Variants in SLC8A2 observed in about 807,000 individuals in gnomAD.
SLC8A2 encodes the protein sodium/calcium exchanger 2.
In SLC8A2, 14 loss-of-function variants were observed where a neutral mutation model predicts 70.2. The observed-to-expected ratio is 0.20, with a 90% confidence interval of 0.13 to 0.31. The LOEUF (loss-of-function observed/expected upper bound fraction) is 0.31. Ranked by LOEUF, SLC8A2 falls within the 10% of genes least tolerant of loss-of-function variation. SLC8A2 has a pLI of 1.00. For synonymous variants in SLC8A2, 575 were observed against 594.3 expected (o/e 0.97, Z 0.47); for missense variants, 779 against 1,320.1 (o/e 0.59, Z 6.35).
chr19:47,433,950 C>T (rs953484437), intron 8 of SLC8A2, among the ~76,000 whole-genome samples: 11 of 152,200 alleles, frequency 7.2e-5, no homozygotes, highest in Admixed American at 5.9e-4. Context: ...AGCCGACCTG[C>T]AGTGGCTTTT....
intron 1 of SLC8A2, among the ~76,000 whole-genome samples, chr19:47,471,310 G>C (rs904906376): frequency 1.3e-5 from 2 of 151,976 alleles, no homozygotes; most frequent in East Asian, 3.9e-4. Context: ...AGGACTTAGA[G>C]ACAGAGCCCC....
chr19:47,466,464 T>C lies in SLC8A2; in HGVS notation c.-16-45A>G, dbSNP rs1967463292. ...GGTCTGGGTGAGGGAAGCAAACCTC[T>C]TTCTGTCATACAAAGGTCAAAGCTC... is the stretch of plus-strand genomic sequence containing the variant. On this transcript the variant is annotated intron_variant, in intron 1 of 9. Coordinates refer to ENST00000236877, the MANE Select transcript of SLC8A2 (RefSeq NM_015063.3). The surrounding 1 kb of genome is among the most constrained non-coding windows in gnomAD (Gnocchi z 6.9). 1.5e-6 allele frequency: 1 copy of C among 669,972 alleles called. No homozygotes were observed. The allele number at this position is 669,972 out of a possible 1,614,324, so 41.5% of individuals were successfully genotyped here. A position where few individuals can be genotyped will look rare whatever the true frequency, so the allele number is the denominator to read the frequency against.
rs947700316 is a variant in SLC8A2, at chr19:47,465,268, G to A, written c.675+461C>T. ...TATATGCAAGGGTAGTATGAATTAT[G>A]CGAATGGAGGATGTCTTATTGCAAA... is the stretch of plus-strand genomic sequence containing the variant. On this transcript the variant is annotated intron_variant, in intron 2 of 9. Coordinates refer to ENST00000236877, the MANE Select transcript of SLC8A2 (RefSeq NM_015063.3). This position sits in a 1 kb window ranked among gnomAD's most constrained non-coding sequence, Gnocchi z 5.5. 2.2e-4 allele frequency among the ~76,000 whole-genome samples: 33 copies of A among 152,216 alleles called. No individual in the cohort carries two copies. Among genetic ancestry groups the A allele is most frequent in the African/African-American group, 7.7e-4 (32 of 41,438 alleles).
At chr19:47,445,195 G>A (rs1188026314) in intron 4 of SLC8A2, among the ~76,000 whole-genome samples, 1 of 152,080 alleles carries the variant, frequency 6.6e-6, no homozygotes, top group Non-Finnish European at 1.5e-5. Context: ...AGCAACCTTC[G>A]CCTGCTGGGT....
Position 47,428,664 on chromosome 19 carries a change from T to C in SLC8A2, c.*1425A>G, listed in dbSNP as rs1365783409. ...ATCCCAGCTTCCCACGGGACTGTTTTTCAGGCAGAATTTCAAAGTTTTATG... is the reference window on the plus strand; with the variant it reads ...ATCCCAGCTTCCCACGGGACTGTTTCTCAGGCAGAATTTCAAAGTTTTATG... On this transcript the variant is annotated 3_prime_UTR_variant, in exon 10 of 10. Coordinates refer to ENST00000236877, the MANE Select transcript of SLC8A2 (RefSeq NM_015063.3). 2.6e-5 allele frequency: 4 copies of C among 152,590 alleles called. No individual in the cohort carries two copies. Among genetic ancestry groups the C allele is most frequent in the African/African-American group, 9.7e-5 (4 of 41,428 alleles). 9.5% of individuals were successfully genotyped at this position (152,590 alleles called of 1,614,324 possible). A position where few individuals can be genotyped will look rare whatever the true frequency, so the allele number is the denominator to read the frequency against.
chr19:47,466,555 CAG>C lies in SLC8A2; in HGVS notation c.-16-138_-16-137del, dbSNP rs1967464724. ...CAGGCAGGATGGGGACTGAGGGCGA[CAG>C]AGACACAGAGAGTGACAGACAGAGA... On this transcript the variant is annotated intron_variant, in intron 1 of 9. Transcript: ENST00000236877. The surrounding 1 kb of genome is among the most constrained non-coding windows in gnomAD (Gnocchi z 6.9). 1 of 544,076 alleles carries C rather than the reference CAG, an allele frequency of 1.8e-6. No homozygotes were observed. The highest frequency in any genetic ancestry group is 3.6e-5 in the Admixed American group (1 of 28,120). 33.7% of individuals were successfully genotyped at this position (544,076 alleles called of 1,614,324 possible).
chr19:47,459,542 ATG>A (rs1028472231), intron 2 of SLC8A2, among the ~76,000 whole-genome samples: 5 of 150,630 alleles, frequency 3.3e-5, no homozygotes, highest in African/African-American at 1.2e-4. Context: ...GTGTGTGCGC[ATG>A]TGTGAGCGTA....
At chr19:47,440,765 A>G (rs1191517139) in intron 6 of SLC8A2, among the ~76,000 whole-genome samples, 2 of 151,892 alleles carry the variant, frequency 1.3e-5, no homozygotes, top group African/African-American at 4.8e-5. Flanking sequence ...CTAATTTTGT[A>G]TTTTTAATAG....
At position 47,441,174 on chromosome 19, in the gene SLC8A2, T is replaced by C. The variant is rs762584870; in HGVS notation, c.1880A>G (p.Asn627Ser). 8.7e-6 allele frequency: 14 copies of C among 1,613,858 alleles called. No homozygotes were observed. In the East Asian group the frequency reaches 1.8e-4, roughly 21 times the overall value. ...CCAGAGGTGACTTCACTCACCTTGATTGAGTAGCAGAGCTGGGGAGAGACA... is the reference window on the plus strand; with the variant it reads ...CCAGAGGTGACTTCACTCACCTTGACTGAGTAGCAGAGCTGGGGAGAGACA... ...LKRGISALLL[N>S]QGDGDRKLTA... Residue 627 changes from asparagine to serine, a missense_variant, in exon 6 of 10, where the codon AAT becomes AGT. Physicochemically the swap from Asn to Ser is conservative, Grantham distance 46. This residue lies in a region of SLC8A2 where 247 missense variants were observed against 362.8 expected (regional missense o/e 0.68). Coordinates refer to ENST00000236877, the MANE Select transcript of SLC8A2 (RefSeq NM_015063.3).
intron 1 of SLC8A2, among the ~76,000 whole-genome samples, chr19:47,467,036 GAC>G (rs1438452670): frequency 6.6e-6 from 1 of 152,180 alleles, no homozygotes; most frequent in Non-Finnish European, 1.5e-5. Context: ...CAGCCTGGGT[GAC>G]AGAGTGAGAC....
chr19:47,457,690 C>G, intron 2 of SLC8A2, 96 bp from the exon 3 acceptor site: 1 of 750,188 alleles, frequency 1.3e-6, no homozygotes, highest in Non-Finnish European at 2.0e-6. Flanking sequence ...CACTCCTCAT[C>G]TCTCTCCCCA....
chr19:47,455,107 GAGAGGAGAGAGT>G (rs1438484694), intron 3 of SLC8A2, among the ~76,000 whole-genome samples: 1 of 151,970 alleles, frequency 6.6e-6, no homozygotes, highest in African/African-American at 2.4e-5. Flanking sequence ...AGGAAGAGAG[GAGAGGAGAGAGT>G]AGAGGAGAGA....
rs1403674046 is a variant in SLC8A2 at position 47,447,810 on chromosome 19, T to C, written c.1762A>G (p.Met588Val). Residue 588 changes from methionine (M) to valine (V), a missense_variant and splice_region_variant, in exon 4 of 10, where the codon ATG becomes GTG. This residue lies in a region of SLC8A2 where 247 missense variants were observed against 362.8 expected (regional missense o/e 0.68). Transcript: ENST00000236877. This position sits in a 1 kb window ranked among gnomAD's most constrained non-coding sequence, Gnocchi z 5.1. ...GELEFGDDET[M>V]KTLQVKIVDD... ...CCGGGCCGCCTCGGGCGTGCTCACA[T>C]GGTCTCGTCGTCGCCAAACTCCAGC... The C allele has an allele frequency of 1.1e-5, 17 of 1,586,538 alleles. No homozygotes were observed. The highest frequency in any genetic ancestry group is 1.4e-5 in the Non-Finnish European group (16 of 1,174,674).
chr19:47,470,464 C>G (rs1055956872), intron 1 of SLC8A2, among the ~76,000 whole-genome samples: 1 of 152,116 alleles, frequency 6.6e-6, no homozygotes, highest in African/African-American at 2.4e-5. Flanking sequence ...GCCCCCTTCT[C>G]TCAAGGAAGG....
intron 3 of SLC8A2, among the ~76,000 whole-genome samples, chr19:47,449,415 G>A (rs1967208707): frequency 6.6e-6 from 1 of 152,152 alleles, no homozygotes; most frequent in African/African-American, 2.4e-5. Context: ...CTCCCCTCCC[G>A]GGTTCAAGGG....
Position 47,432,068 on chromosome 19 carries a change from C to T in SLC8A2, c.2389+99G>A, listed in dbSNP as rs756339936. On this transcript the variant is annotated intron_variant, in intron 9 of 9. Coordinates refer to ENST00000236877, the MANE Select transcript of SLC8A2 (RefSeq NM_015063.3). The surrounding 1 kb of genome is among the most constrained non-coding windows in gnomAD (Gnocchi z 6.2). The stretch of plus-strand genomic sequence containing the variant: ...ATTTCTCTGAGACCCACCACATGGG[C>T]GCTGTGTGACTCCACCCACCTCATT... 2.1e-5 allele frequency: 24 copies of T among 1,162,314 alleles called. No homozygotes were observed. Among genetic ancestry groups the T allele is most frequent in the South Asian group, 6.3e-5 (4 of 63,714 alleles). 72.0% of individuals were successfully genotyped at this position (1,162,314 alleles called of 1,614,324 possible).
At chr19:47,467,641 C>T (rs1201521095) in intron 1 of SLC8A2, among the ~76,000 whole-genome samples, 1 of 152,028 alleles carries the variant, frequency 6.6e-6, no homozygotes, top group East Asian at 1.9e-4. Context: ...TTATTTCTCT[C>T]CCTACCTCTG....
intron 6 of SLC8A2, among the ~76,000 whole-genome samples, chr19:47,438,952 C>A (rs1006894130): frequency 4.6e-5 from 7 of 152,186 alleles, no homozygotes; most frequent in Admixed American, 3.3e-4. Context: ...TGTTTCCTCT[C>A]CTTCCTGGGC....
In SLC8A2 at chr19:47,439,732, C is replaced by T. The variant is rs563435801; in HGVS notation, c.1885+1437G>A. Among the ~76,000 whole-genome samples, 9 of 151,212 alleles carry T rather than the reference C, an allele frequency of 6.0e-5. No individual in the cohort carries two copies. In the East Asian group the frequency reaches 1.2e-3, roughly 20 times the overall value. ...AGGCTGGAGTGCAGTGGCACGATCT[C>T]GGCTCACTGCAACCTCCACTTTCCA... On this transcript the variant is annotated intron_variant, in intron 6 of 9. Transcript: ENST00000236877.
Sources: gnomAD v4.1 joint callset for allele counts (sites outside exome capture counted in the v4.1 genomes callset) on GRCh38, gnomAD v4.1.1 for gene constraint, gnomAD v4.1.1 regional missense constraint, Gnocchi (gnomAD v3.1) non-coding constraint, MANE v1.5 for transcripts, NCBI Gene and HGNC (gene_info 2026-07-23, HGNC 2026-07-21) for gene names.